SUCLG2: variants seen among roughly 807,000 people sequenced by gnomAD.
The protein encoded by SUCLG2 is succinate-CoA ligase GDP-forming subunit beta.
In SUCLG2, 42 loss-of-function variants were observed where a neutral mutation model predicts 47.9. The ratio of observed to expected loss-of-function variants is 0.88; its 90% CI spans 0.69 to 1.14. The LOEUF (loss-of-function observed/expected upper bound fraction) is 1.14. SUCLG2 is among the 50% of genes most tolerant of loss of function. SUCLG2 has a pLI of 0.00. For missense variants in SUCLG2, 571 were observed against 525.9 expected, an observed-to-expected ratio of 1.09 and a Z score of -0.84; for synonymous variants, 195 against 197.3, an observed-to-expected ratio of 0.99 and a Z score of 0.10.
chr3:67,514,270 GA>G, intron 6 of SUCLG2: 2 of 426,226 alleles, frequency 4.7e-6, no homozygotes, highest in African/African-American at 2.1e-5. Context: ...GAATAGGAAA[GA>G]AAAACTTATC....
chr3:67,368,548 C>T (rs1365032203), intron 10 of SUCLG2, among the ~76,000 whole-genome samples: 1 of 152,040 alleles, frequency 6.6e-6, no homozygotes, highest in East Asian at 1.9e-4. Context: ...CATGGTGAAT[C>T]ATACAATCCA....
At chr3:67,370,143 C>T (rs916515252), downstream of SUCLG2, among the ~76,000 whole-genome samples, 2 of 152,026 alleles carry the variant, frequency 1.3e-5, no homozygotes, top group Non-Finnish European at 2.9e-5. Context: ...TGGGTCCATA[C>T]AAATTATGTA....
chr3:67,552,599 A>C (rs1317294513), intron 2 of SUCLG2, among the ~76,000 whole-genome samples: 1 of 152,216 alleles, frequency 6.6e-6, no homozygotes, highest in African/African-American at 2.4e-5. Context: ...GTCTAGCATT[A>C]GATTTTGTGG....
chr3:67,647,068 G>T (rs1246093954), intron 1 of SUCLG2, among the ~76,000 whole-genome samples: 1 of 151,996 alleles, frequency 6.6e-6, no homozygotes, highest in East Asian at 1.9e-4. Flanking sequence ...AACCTCCTTA[G>T]GGCTCTCAAG....
chr3:67,417,632 T>A (rs1487328159), intron 9 of SUCLG2, among the ~76,000 whole-genome samples: 1 of 152,218 alleles, frequency 6.6e-6, no homozygotes, highest in East Asian at 1.9e-4. Flanking sequence ...GTTGGTAGGA[T>A]CCTGAGTAGG....
intron 9 of SUCLG2, among the ~76,000 whole-genome samples, chr3:67,487,218 G>A (rs867111264): frequency 6.6e-6 from 1 of 152,082 alleles, no homozygotes; most frequent in Middle Eastern, 3.4e-3. Context: ...TACCATTTTT[G>A]ACTTGAAATT....
At chr3:67,439,874 A>T (rs764870980) in intron 9 of SUCLG2, among the ~76,000 whole-genome samples, 13 of 152,330 alleles carry the variant, frequency 8.5e-5, no homozygotes, top group Non-Finnish European at 1.6e-4. Context: ...GAATTAGAAA[A>T]ATCTACTTTA....
Position 67,594,074 on chromosome 3 carries a change from C to T in SUCLG2, c.226+15381G>A, listed in dbSNP as rs969918831. On this transcript the variant is annotated intron_variant, in intron 2 of 10. Transcript: ENST00000307227. ...ACAAGTCCGAGGAGGATGAGAGGCA[C>T]GTGGTACAGGCCTGGACCCAACCTG... Among the ~76,000 whole-genome samples the T allele has an allele frequency of 3.9e-5, 6 of 152,306 alleles. No individual in the cohort carries two copies. The South Asian group carries it at 8.3e-4, about 21-fold the overall frequency.
intron 4 of SUCLG2, 23 bp downstream of exon 4, chr3:67,528,109 A>G (rs762860164): frequency 6.2e-6 from 10 of 1,601,970 alleles, no homozygotes; most frequent in Non-Finnish European, 2.6e-6. Context: ...TATATAGAAA[A>G]TGACCCAAAG....
chr3:67,488,663 G>T (rs1222781020), intron 9 of SUCLG2, among the ~76,000 whole-genome samples: 1 of 152,094 alleles, frequency 6.6e-6, no homozygotes, highest in African/African-American at 2.4e-5. Flanking sequence ...CATTATTCCC[G>T]ACCATTATTG....
At chr3:67,590,057 C>T (rs2634735) in intron 2 of SUCLG2, among the ~76,000 whole-genome samples, 61,126 of 151,774 alleles carry the variant, frequency 0.4, 12,832 homozygotes, top group East Asian at 0.68. Flanking sequence ...TGTCCTTCTG[C>T]CTCTGGTCCT....
At chr3:67,401,773 C>T (rs1288743463) in intron 9 of SUCLG2, among the ~76,000 whole-genome samples, 6 of 152,016 alleles carry the variant, frequency 3.9e-5, no homozygotes. Context: ...TAAATTATGC[C>T]ACACTAATTG....
chr3:67,617,565 C>A (rs893638549), intron 1 of SUCLG2, among the ~76,000 whole-genome samples: 17 of 152,242 alleles, frequency 1.1e-4, no homozygotes, highest in African/African-American at 3.9e-4. Flanking sequence ...ATACTCTTCA[C>A]CACTCTCCAC....
intron 1 of SUCLG2, among the ~76,000 whole-genome samples, chr3:67,609,899 C>T (rs1189259964): frequency 6.6e-6 from 1 of 152,006 alleles, no homozygotes; most frequent in Non-Finnish European, 1.5e-5. Flanking sequence ...TGATATTGTA[C>T]CACAACTACA....
At chr3:67,492,105 A>T (rs1705222008) in intron 9 of SUCLG2, among the ~76,000 whole-genome samples, 1 of 152,188 alleles carries the variant, frequency 6.6e-6, no homozygotes, top group South Asian at 2.1e-4. Flanking sequence ...AATATGATTC[A>T]AAGTTGGATC....
At chr3:67,614,103 T>C (rs1234919475) in intron 1 of SUCLG2, among the ~76,000 whole-genome samples, 1 of 152,198 alleles carries the variant, frequency 6.6e-6, no homozygotes, top group Non-Finnish European at 1.5e-5. Context: ...ACATCTTTGC[T>C]GCAGGAGACA....
chr3:67,616,296 G>A (rs1014961818), intron 1 of SUCLG2, among the ~76,000 whole-genome samples: 5 of 152,244 alleles, frequency 3.3e-5, no homozygotes, highest in Admixed American at 3.3e-4. Context: ...TATTAAGTCT[G>A]AACATGGTAG....
At chr3:67,460,354 C>T (rs1224061103) in intron 9 of SUCLG2, among the ~76,000 whole-genome samples, 1 of 152,186 alleles carries the variant, frequency 6.6e-6, no homozygotes, top group African/African-American at 2.4e-5. Flanking sequence ...CAGAAATTAA[C>T]AGCAGTATCT....
At chr3:67,393,724 G>C in intron 10 of SUCLG2, among the ~76,000 whole-genome samples, 1 of 152,222 alleles carries the variant, frequency 6.6e-6, no homozygotes, top group Non-Finnish European at 1.5e-5. Context: ...GCCTCCTCAA[G>C]TGGGTCCCTG....
Sources: gnomAD v4.1 joint callset for allele counts (sites outside exome capture counted in the v4.1 genomes callset) on GRCh38, gnomAD v4.1.1 for gene constraint, MANE v1.5 for transcripts, NCBI Gene and HGNC (gene_info 2026-07-23, HGNC 2026-07-21) for gene names.